DOT1L: variants seen among roughly 807,000 people sequenced by gnomAD.
DOT1L encodes DOT1 like histone lysine methyltransferase, also known as histone-lysine N-methyltransferase, H3 lysine-79 specific.
A neutral mutation model predicts 153.3 loss-of-function variants in DOT1L; 33 were observed. That is an observed-to-expected ratio of 0.22 (90% CI 0.16 to 0.29). The LOEUF is 0.29. Among genes scored for constraint, DOT1L ranks in the 10% least tolerant of loss-of-function variants. DOT1L has a pLI of 1.00. For missense variants in DOT1L, 1,847 were observed against 2,119.9 expected (o/e 0.87, Z 2.53); for synonymous variants, 1,135 against 965.1 (o/e 1.18, Z -3.26).
chr19:2,196,673 A>G (rs952374416), intron 7 of DOT1L, among the ~76,000 whole-genome samples: 24 of 152,200 alleles, frequency 1.6e-4, no homozygotes, highest in African/African-American at 5.5e-4. Flanking sequence ...GCCTGCAAAC[A>G]CGGAGCTTTG....
chr19:2,205,455 T>C (rs957353383), intron 9 of DOT1L, among the ~76,000 whole-genome samples: 1 of 152,150 alleles, frequency 6.6e-6, no homozygotes. Context: ...TGGCTGACTT[T>C]TTTGTATTTT....
intron 7 of DOT1L, among the ~76,000 whole-genome samples, chr19:2,195,620 C>T (rs1300173713): frequency 3.3e-5 from 5 of 152,014 alleles, no homozygotes; most frequent in Admixed American, 6.6e-5. Flanking sequence ...CCTCAGAGCC[C>T]GCAGCCCCTT....
chr19:2,222,121 G>A lies in DOT1L; in HGVS notation c.2952G>A (p.Thr984=), dbSNP rs199568154. The A allele has an allele frequency of 2.1e-4, 333 of 1,613,088 alleles. No individual in the cohort carries two copies. Among genetic ancestry groups the A allele is most frequent in the Non-Finnish European group, 2.7e-4 (315 of 1,179,896 alleles). ...CCACCGTGGGGTCCCGCAGCTCCAC[G>A]CCACAGCACCCCCTGCTGCTGGCAC... ...LFATVGSRSS[T]PQHPLLLAQP... is the part of the protein sequence containing the mutation. The change falls in exon 24 of 28, where the codon ACG becomes ACA. Residue 984 remains threonine, a synonymous_variant. Coordinates refer to ENST00000398665, the MANE Select transcript of DOT1L (RefSeq NM_032482.3). The surrounding 1 kb of genome is among the most constrained non-coding windows in gnomAD (Gnocchi z 6.5).
chr19:2,204,575 GT>G lies in DOT1L; in HGVS notation c.787+1799del, dbSNP rs1221961061. On this transcript the variant is annotated intron_variant, in intron 9 of 27. Transcript: ENST00000398665. This position sits in a 1 kb window ranked among gnomAD's most constrained non-coding sequence, Gnocchi z 5.7. ...CTGCCCTAGAACGCCTCTTCTGGCT[GT>G]TTCTCGCCAGCTTTCTCTGCACGAT... 6.6e-6 allele frequency among the ~76,000 whole-genome samples: 1 copy of G among 152,210 alleles called. No homozygotes were observed. The highest frequency in any genetic ancestry group is 1.5e-5 in the Non-Finnish European group (1 of 68,040).
At position 2,217,150 on chromosome 19, in the gene DOT1L, G is replaced by C. The variant is rs1035325931; in HGVS notation, c.2544+60G>C. On this transcript the variant is annotated intron_variant, in intron 21 of 27. Coordinates refer to ENST00000398665, the MANE Select transcript of DOT1L (RefSeq NM_032482.3). The surrounding 1 kb of genome is among the most constrained non-coding windows in gnomAD (Gnocchi z 7.3). ...GGTGCTCAGCAGAGGCGGCCTGAGCGAGTTGCTAGCAGGAGGGCTTGTCCT... is the reference window on the plus strand; with the variant it reads ...GGTGCTCAGCAGAGGCGGCCTGAGCCAGTTGCTAGCAGGAGGGCTTGTCCT... The C allele has an allele frequency of 3.3e-6, 5 of 1,502,022 alleles. No homozygotes were observed. Among genetic ancestry groups the C allele is most frequent in the Non-Finnish European group, 4.4e-6 (5 of 1,128,098 alleles). 93.0% of individuals were successfully genotyped at this position (1,502,022 alleles called of 1,614,324 possible).
intron 2 of DOT1L, among the ~76,000 whole-genome samples, chr19:2,183,444 G>T (rs1395683388): frequency 6.6e-6 from 1 of 151,784 alleles, no homozygotes; most frequent in Non-Finnish European, 1.5e-5. Context: ...GTGTGGGGAG[G>T]GCTGTTGTTT....
At chr19:2,227,947 C>G in intron 27 of DOT1L, 1 of 1,190,092 alleles carries the variant, frequency 8.4e-7, no homozygotes, top group Non-Finnish European at 1.1e-6. Flanking sequence ...CCCCCGCCTG[C>G]GCACCTGGGC....
intron 27 of DOT1L, chr19:2,228,144 T>G (rs757845833): frequency 4.4e-6 from 6 of 1,364,932 alleles, no homozygotes; most frequent in Non-Finnish European, 5.9e-6. Context: ...TAACGCCTCT[T>G]TGTCTATCAA....
In DOT1L at chr19:2,230,030, C is replaced by T. The variant is rs1196590568; in HGVS notation, c.*238C>T. 6 of 663,332 alleles carry T rather than the reference C, an allele frequency of 9.0e-6. No individual in the cohort carries two copies. Among genetic ancestry groups the T allele is most frequent in the African/African-American group, 3.6e-5 (2 of 54,824 alleles). 41.1% of individuals were successfully genotyped at this position (663,332 alleles called of 1,614,324 possible). On this transcript the variant is annotated 3_prime_UTR_variant, in exon 28 of 28. Coordinates refer to ENST00000398665, the MANE Select transcript of DOT1L (RefSeq NM_032482.3). ...TTTTAAAAAGTATAAACAATTCTGA[C>T]TTATTTTATTCCATCTAAGTGGTAA...
chr19:2,193,578 C>T lies in DOT1L; in HGVS notation c.494-111C>T. Reference sequence around the variant, plus strand: ...GATATGTGTGGAGACTGTGGCCTCCCCTGTGGGTCTTCATGGCCGCATTCT... The same window carrying T: ...GATATGTGTGGAGACTGTGGCCTCCTCTGTGGGTCTTCATGGCCGCATTCT... On this transcript the variant is annotated intron_variant, in intron 5 of 27. Coordinates refer to ENST00000398665, the MANE Select transcript of DOT1L (RefSeq NM_032482.3). The surrounding 1 kb of genome is among the most constrained non-coding windows in gnomAD (Gnocchi z 5.9). The T allele has an allele frequency of 1.0e-6, 1 of 973,316 alleles. No individual in the cohort carries two copies. The highest frequency in any genetic ancestry group is 1.5e-5 in the South Asian group (1 of 66,764). The allele number at this position is 973,316 out of a possible 1,614,324, so 60.3% of individuals were successfully genotyped here.
In DOT1L at chr19:2,164,251, C is replaced by T. The variant is rs868267597; in HGVS notation, c.67C>T (p.Pro23Ser). The T allele has an allele frequency of 3.1e-6, 4 of 1,282,352 alleles. No individual in the cohort carries two copies. Among genetic ancestry groups the T allele is most frequent in the Non-Finnish European group, 3.0e-6 (3 of 1,011,642 alleles). 79.4% of individuals were successfully genotyped at this position (1,282,352 alleles called of 1,614,324 possible). Residue 23 changes from proline to serine, a missense_variant, in exon 1 of 28, where the codon CCG becomes TCG. Pro to Ser is a moderately conservative substitution (Grantham distance 74). This residue lies in a region of DOT1L where 37 missense variants were observed against 31.0 expected (regional missense o/e 1.19). Coordinates refer to ENST00000398665, the MANE Select transcript of DOT1L (RefSeq NM_032482.3). ...GGCTGAGCCCGCCGTCTACCCGTGG[C>T]CGCTGCCGGTCTACGTGAGTGCCGC... ...VGAEPAVYPW[P>S]LPVYDKHHDA...
chr19:2,188,494 C>CCCCCCCCCCCCCCCCG lies in DOT1L; in HGVS notation c.201-1238_201-1237insCCCCCCCCCCCCCCCG, dbSNP rs1491479536. On this transcript the variant is annotated intron_variant, in intron 3 of 27. Coordinates refer to ENST00000398665, the MANE Select transcript of DOT1L (RefSeq NM_032482.3). ...CCCCAGCCGCCGCCCCCCCCCCCCC[C>CCCCCCCCCCCCCCCCG]ACCCGCACAGGTGCAGGCCCCCTCG... Among the ~76,000 whole-genome samples, 5 of 117,636 alleles carry CCCCCCCCCCCCCCCCG rather than the reference C, an allele frequency of 4.3e-5. 1 individual carries two copies. Among genetic ancestry groups the CCCCCCCCCCCCCCCCG allele is most frequent in the Admixed American group, 8.2e-5 (1 of 12,198 alleles). The allele number at this position is 117,636 out of a possible 152,430, so 77.2% of individuals were successfully genotyped here. A position where few individuals can be genotyped will look rare whatever the true frequency, so the allele number is the denominator to read the frequency against.
At chr19:2,201,210 CGCATTCCTCGTCCTCCCT>C (rs2023265341) in intron 8 of DOT1L, among the ~76,000 whole-genome samples, 11 of 143,600 alleles carry the variant, frequency 7.7e-5, no homozygotes, top group Admixed American at 1.4e-4. Flanking sequence ...TCGTCCTCCC[CGCATTCCTCGTCCTCCCT>C]GCATTCCTCG....
chr19:2,176,333 C>T (rs2021933139), intron 1 of DOT1L, among the ~76,000 whole-genome samples: 1 of 152,172 alleles, frequency 6.6e-6, no homozygotes, highest in Non-Finnish European at 1.5e-5. Context: ...GGGACACTGT[C>T]TCCCTAGCTG....
Position 2,231,648 on chromosome 19 carries a change from A to G in DOT1L, c.*1856A>G. On this transcript the variant is annotated 3_prime_UTR_variant, in exon 28 of 28. Coordinates refer to ENST00000398665, the MANE Select transcript of DOT1L (RefSeq NM_032482.3). Reference sequence around the variant, plus strand: ...GTGCTGTGCCTCTGCCTGAGCCCCAAGCCCCGAGCCTGGCCTTCAGGACAG... The same window carrying G: ...GTGCTGTGCCTCTGCCTGAGCCCCAGGCCCCGAGCCTGGCCTTCAGGACAG... 4.7e-6 allele frequency: 1 copy of G among 214,210 alleles called. No homozygotes were observed. The highest frequency in any genetic ancestry group is 6.9e-5 in the East Asian group (1 of 14,480). 13.3% of individuals were successfully genotyped at this position (214,210 alleles called of 1,614,324 possible).
At chr19:2,203,047 G>A (rs548109396) in intron 9 of DOT1L, among the ~76,000 whole-genome samples, 9 of 151,500 alleles carry the variant, frequency 5.9e-5, no homozygotes, top group South Asian at 2.1e-4. Context: ...TCAGTCTCCC[G>A]AGTAGCTGGG....
intron 12 of DOT1L, 126 bp downstream of exon 12, chr19:2,209,102 C>A: frequency 9.6e-7 from 1 of 1,043,600 alleles, no homozygotes; most frequent in Non-Finnish European, 1.4e-6. Context: ...CCTCGGGGCC[C>A]GGCCCTGTGC....
In DOT1L at chr19:2,216,681, C is replaced by T. The variant is rs1287802815; in HGVS notation, c.2324C>T (p.Ser775Phe). Residue 775 changes from serine to phenylalanine, a missense_variant, in exon 20 of 28, where the codon TCC becomes TTC. By Grantham distance (155) the Ser-to-Phe change is radical (BLOSUM62 -2). Coordinates refer to ENST00000398665, the MANE Select transcript of DOT1L (RefSeq NM_032482.3). Reference protein sequence around the residue: ...GLAAPDYTRLSPAKIVLRRHL... With the variant: ...GLAAPDYTRLFPAKIVLRRHL... ...GCCGCACCCGACTACACTAGGCTGT[C>T]CCCGGCCAAGATTGTGCTGAGGCGG... 6.2e-7 allele frequency: 1 copy of T among 1,603,662 alleles called. No individual in the cohort carries two copies. The highest frequency in any genetic ancestry group is 1.1e-5 in the South Asian group (1 of 91,072).
chr19:2,231,956 C>T lies in DOT1L; in HGVS notation c.*2164C>T, dbSNP rs2024617248. 9.4e-6 allele frequency: 2 copies of T among 212,674 alleles called. No individual in the cohort carries two copies. Among genetic ancestry groups the T allele is most frequent in the Non-Finnish European group, 1.9e-5 (2 of 105,138 alleles). 13.2% of individuals were successfully genotyped at this position (212,674 alleles called of 1,614,324 possible). A position where few individuals can be genotyped will look rare whatever the true frequency, so the allele number is the denominator to read the frequency against. On this transcript the variant is annotated 3_prime_UTR_variant, in exon 28 of 28. Coordinates refer to ENST00000398665, the MANE Select transcript of DOT1L (RefSeq NM_032482.3). Reference sequence around the variant, plus strand: ...CCACTGGGTCATATGCGTGTCACCACACGTGAACTAGTGTGGTGGCTGCCT... The same window carrying T: ...CCACTGGGTCATATGCGTGTCACCATACGTGAACTAGTGTGGTGGCTGCCT...
Sources: gnomAD v4.1 joint callset for allele counts (sites outside exome capture counted in the v4.1 genomes callset) on GRCh38, gnomAD v4.1.1 for gene constraint, gnomAD v4.1.1 regional missense constraint, Gnocchi (gnomAD v3.1) non-coding constraint, MANE v1.5 for transcripts, NCBI Gene and HGNC (gene_info 2026-07-23, HGNC 2026-07-21) for gene names.